GALK2: variants seen among roughly 807,000 people sequenced by gnomAD.
GALK2 encodes the protein N-acetylgalactosamine kinase.
A neutral mutation model predicts 52.4 loss-of-function variants in GALK2; 36 were observed. The ratio of observed to expected loss-of-function variants is 0.69; its 90% CI spans 0.53 to 0.91. The LOEUF (loss-of-function observed/expected upper bound fraction) is 0.91. Among genes scored for constraint, GALK2 ranks in the 40% least tolerant of loss-of-function variants. The probability of loss-of-function intolerance (pLI) is 0.00; values close to 1 mark genes in which losing one functional copy is unlikely to be tolerated. For synonymous variants in GALK2, 176 were observed against 199.1 expected (o/e 0.88, Z 0.98); for missense variants, 579 against 559.1 (o/e 1.04, Z -0.36).
intron 2 of GALK2, among the ~76,000 whole-genome samples, chr15:49,205,664 T>C (rs1486500683): frequency 6.6e-6 from 1 of 152,194 alleles, no homozygotes; most frequent in East Asian, 1.9e-4. Flanking sequence ...GTGAAGATTT[T>C]CTCCAACTCT....
rs796932123 is a variant in GALK2, at chr15:49,359,425, G to A, written c.427-8066G>A. Among the ~76,000 whole-genome samples, 892 of 119,186 alleles carry A rather than the reference G, an allele frequency of 7.5e-3. 250 individuals carry two copies. Among genetic ancestry groups the A allele is most frequent in the African/African-American group, 0.026 (806 of 30,916 alleles). 78.2% of individuals were successfully genotyped at this position (119,186 alleles called of 152,430 possible). On this transcript the variant is annotated intron_variant, in intron 3 of 3. Transcript: ENST00000558399. Reference sequence around the variant, plus strand: ...CAAACAACCCCATCAAATAGTGGGCGAAGGACATGAACAGACACTTCTCAA... The same window carrying A: ...CAAACAACCCCATCAAATAGTGGGCAAAGGACATGAACAGACACTTCTCAA...
At chr15:49,356,070 T>C (rs2043111778) in intron 3 of GALK2, among the ~76,000 whole-genome samples, 1 of 145,542 alleles carries the variant, frequency 6.9e-6, no homozygotes, top group Admixed American at 6.7e-5. Context: ...AGGCCTGCCT[T>C]ACAAGAGCTC....
chr15:49,332,729 T>C (rs1289230888), downstream of GALK2, among the ~76,000 whole-genome samples: 1 of 152,232 alleles, frequency 6.6e-6, no homozygotes, highest in Non-Finnish European at 1.5e-5. Flanking sequence ...AGTAAAATTT[T>C]CTGCAAATCC....
At chr15:49,156,113 C>T in intron 1 of GALK2, 2 of 1,164,972 alleles carry the variant, frequency 1.7e-6, no homozygotes, top group Non-Finnish European at 2.6e-6. Flanking sequence ...ACACAGTTTA[C>T]ACTTAATGCT....
intron 8 of GALK2, among the ~76,000 whole-genome samples, chr15:49,304,509 C>T (rs1353638412): frequency 6.6e-6 from 1 of 152,250 alleles, no homozygotes; most frequent in Non-Finnish European, 1.5e-5. Context: ...TTGTTAATTG[C>T]TCTCTGGCTC....
intron 5 of GALK2, among the ~76,000 whole-genome samples, chr15:49,240,310 G>A (rs1235621361): frequency 2.6e-5 from 4 of 152,108 alleles, no homozygotes; most frequent in African/African-American, 9.6e-5. Context: ...TGTTTCCCCT[G>A]GTACAATTTT....
chr15:49,191,529 C>A (rs561073202), intron 1 of GALK2, among the ~76,000 whole-genome samples: 1 of 152,160 alleles, frequency 6.6e-6, no homozygotes, highest in East Asian at 1.9e-4. Context: ...TGTAATATTT[C>A]TTCATGGTTA....
intron 3 of GALK2, among the ~76,000 whole-genome samples, chr15:49,349,239 C>A (rs954092795): frequency 1.3e-5 from 2 of 152,082 alleles, no homozygotes; most frequent in African/African-American, 2.4e-5. Context: ...ACAATACTTA[C>A]AATACTCATA....
chr15:49,251,394 A>G (rs1399498521), intron 5 of GALK2, among the ~76,000 whole-genome samples: 1 of 152,196 alleles, frequency 6.6e-6, no homozygotes, highest in East Asian at 1.9e-4. Context: ...GCAAATTAGT[A>G]GAATTCAGTA....
At chr15:49,213,767 C>A (rs2089139175) in intron 2 of GALK2, among the ~76,000 whole-genome samples, 1 of 152,096 alleles carries the variant, frequency 6.6e-6, no homozygotes, top group African/African-American at 2.4e-5. Context: ...TTCCTTCCTT[C>A]TTGTCTTCCT....
In GALK2 at chr15:49,201,188, A is replaced by T. The variant is rs2087738909; in HGVS notation, c.80A>T (p.Asn27Ile). The T allele has an allele frequency of 1.2e-6, 2 of 1,607,184 alleles. No individual in the cohort carries two copies. Among genetic ancestry groups the T allele is most frequent in the Admixed American group, 3.3e-5 (2 of 59,922 alleles). ...PRLLKLKEMF[N>I]SKFGSIPKFY... is the part of the protein sequence containing the mutation. ...TTACTGAAGCTAAAGGAGATGTTTA[A>T]CTCCAAGTTTGGATCTATTCCCAAG... Residue 27 changes from asparagine to isoleucine, a missense_variant, in exon 2 of 10, where the codon AAC (asparagine) becomes ATC (isoleucine). Asn to Ile is a moderately radical substitution (Grantham distance 149, BLOSUM62 -3). Transcript: ENST00000560031.
rs777796174 is a variant in GALK2, at chr15:49,217,334, G to A, written c.266+21G>A. On this transcript the variant is annotated intron_variant, in intron 3 of 9. Coordinates refer to ENST00000560031, the MANE Select transcript of GALK2 (RefSeq NM_002044.4). ...TATCCGTGAGTATTTAAAATTGTTAGTGTGTGTGTATGTATGGTTCTGTTT... is the reference window on the plus strand; with the variant it reads ...TATCCGTGAGTATTTAAAATTGTTAATGTGTGTGTATGTATGGTTCTGTTT... 11 of 1,611,928 alleles carry A rather than the reference G, an allele frequency of 6.8e-6. No individual in the cohort carries two copies. In the South Asian group the frequency reaches 1.1e-4, roughly 16 times the overall value.
chr15:49,345,617 T>A (rs1453431414), intron 3 of GALK2, among the ~76,000 whole-genome samples: 3 of 152,222 alleles, frequency 2.0e-5, no homozygotes, highest in African/African-American at 4.8e-5. Flanking sequence ...ACCATCTGAA[T>A]TGGCCTCATA....
chr15:49,264,020 A>G (rs1595884265), intron 5 of GALK2, among the ~76,000 whole-genome samples: 1 of 151,442 alleles, frequency 6.6e-6, no homozygotes, highest in African/African-American at 2.4e-5. Flanking sequence ...CTTCATTTCA[A>G]CTTTGGTGAA....
intron 8 of GALK2, among the ~76,000 whole-genome samples, chr15:49,316,616 CAAAT>C (rs1320957915): frequency 6.7e-6 from 1 of 149,446 alleles, no homozygotes; most frequent in Non-Finnish European, 1.5e-5. Context: ...AAGTATAATA[CAAAT>C]AAATAAATAA....
intron 1 of GALK2, among the ~76,000 whole-genome samples, chr15:49,190,930 T>C (rs2086682768): frequency 6.6e-6 from 1 of 152,206 alleles, no homozygotes; most frequent in African/African-American, 2.4e-5. Flanking sequence ...CTGGGGGCTG[T>C]CCAATTCATG....
chr15:49,364,087 G>T (rs1478636401), intron 3 of GALK2, among the ~76,000 whole-genome samples: 1 of 151,988 alleles, frequency 6.6e-6, no homozygotes, highest in Non-Finnish European at 1.5e-5. Flanking sequence ...TTTTTTTATT[G>T]TGTCTATGCC....
chr15:49,354,646 G>A (rs1417913145), intron 3 of GALK2, among the ~76,000 whole-genome samples: 2 of 152,200 alleles, frequency 1.3e-5, no homozygotes, highest in South Asian at 2.1e-4. Flanking sequence ...AGATCAAACT[G>A]CAAGGTGGGC....
intron 1 of GALK2, among the ~76,000 whole-genome samples, chr15:49,157,887 T>C (rs2084513305): frequency 6.6e-6 from 1 of 152,186 alleles, no homozygotes; most frequent in Admixed American, 6.5e-5. Flanking sequence ...TATGTCCTCT[T>C]TGAGATTGAA....
Sources: gnomAD v4.1 joint callset for allele counts (sites outside exome capture counted in the v4.1 genomes callset) on GRCh38, gnomAD v4.1.1 for gene constraint, MANE v1.5 for transcripts, NCBI Gene and HGNC (gene_info 2026-07-23, HGNC 2026-07-21) for gene names.